The following CFAP418 variants were observed in gnomAD, a reference collection of about 807,000 sequenced individuals.
CFAP418 encodes cilia- and flagella-associated protein 418.
CFAP418 carries 27 observed loss-of-function variants against 24.7 expected under a neutral mutation model. The observed-to-expected ratio is 1.09, with a 90% CI of 0.81 to 1.51. CFAP418 has a LOEUF of 1.51. Ranked by LOEUF, CFAP418 falls within the 40% of genes most tolerant of loss-of-function variation. The probability of loss-of-function intolerance (pLI) is 0.00; values close to 1 mark genes in which losing one functional copy is unlikely to be tolerated. For missense variants in CFAP418, 257 were observed against 255.2 expected, an observed-to-expected ratio of 1.01 and a Z score of -0.05; for synonymous variants, 74 against 87.3, an observed-to-expected ratio of 0.85 and a Z score of 0.85.
intron 5 of CFAP418, 127 bp from the exon 6 acceptor site, chr8:95,247,897 A>G (rs1811649174): frequency 2.0e-6 from 2 of 984,336 alleles, no homozygotes; most frequent in Non-Finnish European, 2.9e-6. Flanking sequence ...ATTGTTACTC[A>G]GGCTGGATTG....
At chr8:95,261,901 C>T (rs1811899393) in intron 2 of CFAP418, among the ~76,000 whole-genome samples, 1 of 152,202 alleles carries the variant, frequency 6.6e-6, no homozygotes, top group African/African-American at 2.4e-5. Flanking sequence ...TAATGAAGAG[C>T]AACAAAATGA....
intron 4 of CFAP418, among the ~76,000 whole-genome samples, chr8:95,258,931 G>A (rs569606323): frequency 2.1e-4 from 32 of 152,182 alleles, no homozygotes; most frequent in Non-Finnish European, 4.1e-4. Flanking sequence ...ATATCATCTA[G>A]GTTTGTGTAA....
rs1811613198 is a variant in CFAP418 at position 95,245,931 on chromosome 8, T to C, written c.*1686A>G. The C allele has an allele frequency of 6.6e-6, 1 of 152,134 alleles. No individual in the cohort carries two copies. The highest frequency in any genetic ancestry group is 1.5e-5 in the Non-Finnish European group (1 of 68,020). 9.4% of individuals were successfully genotyped at this position (152,134 alleles called of 1,614,324 possible). ...CCCCTAGGTTTCTGACTCAATTACATATAGATATAACTTTAGGGATATAAT... is the reference window on the plus strand; with the variant it reads ...CCCCTAGGTTTCTGACTCAATTACACATAGATATAACTTTAGGGATATAAT... On this transcript the variant is annotated 3_prime_UTR_variant, in exon 6 of 6. Transcript: ENST00000286688.
chr8:95,252,088 C>T (rs770993699), intron 5 of CFAP418, 100 bp downstream of exon 5: 5 of 825,458 alleles, frequency 6.1e-6, no homozygotes, highest in Middle Eastern at 2.3e-4. Context: ...AGAGGTGAAG[C>T]CCACAAGATC....
At chr8:95,260,225 C>A (rs1415379781) in intron 3 of CFAP418, among the ~76,000 whole-genome samples, 1 of 152,130 alleles carries the variant, frequency 6.6e-6, no homozygotes, top group Non-Finnish European at 1.5e-5. Flanking sequence ...ACTGTTCACA[C>A]TTTTTTTAAA....
At position 95,259,969 on chromosome 8, in the gene CFAP418, G is replaced by A. The variant is rs1811859829; in HGVS notation, c.309-64C>T. The A allele has an allele frequency of 6.3e-6, 9 of 1,429,620 alleles. No individual in the cohort carries two copies. In the South Asian group the frequency reaches 1.2e-4, roughly 19 times the overall value. 88.6% of individuals were successfully genotyped at this position (1,429,620 alleles called of 1,614,324 possible). On this transcript the variant is annotated intron_variant, in intron 3 of 5. Coordinates refer to ENST00000286688, the MANE Select transcript of CFAP418 (RefSeq NM_177965.4). ...ACAAAAAATAGGAGAAGTTAATTTG[G>A]CCATGTTAAAAAAATTTTTGGTTTT...
At chr8:95,253,348 A>G (rs142987151) in intron 4 of CFAP418, among the ~76,000 whole-genome samples, 8 of 152,292 alleles carry the variant, frequency 5.3e-5, no homozygotes, top group African/African-American at 1.9e-4. Flanking sequence ...AGAAAGTTAT[A>G]TACTACACAG....
rs1178200305 is a variant in CFAP418 at position 95,247,773 on chromosome 8, A to G, written c.471-3T>C. ...TGTGAAATTCTGGCATGTTGTTCCT[A>G]TTAGTAAAACAGGAAAGTTTTAGCA... On this transcript the variant is annotated splice_region_variant and splice_polypyrimidine_tract_variant and intron_variant, in intron 5 of 5. Transcript: ENST00000286688. 4 of 1,599,374 alleles carry G rather than the reference A, an allele frequency of 2.5e-6. No individual in the cohort carries two copies. The highest frequency in any genetic ancestry group is 3.4e-6 in the Non-Finnish European group (4 of 1,172,268).
At chr8:95,268,904 G>C in intron 1 of CFAP418, 131 bp downstream of exon 1, 1 of 986,596 alleles carries the variant, frequency 1.0e-6, no homozygotes, top group Non-Finnish European at 1.5e-6. Context: ...GGGCGCTGAG[G>C]GTCTGAACCC....
chr8:95,259,803 C>A (rs1162643915), intron 4 of CFAP418, 37 bp downstream of exon 4: 1 of 1,507,654 alleles, frequency 6.6e-7, no homozygotes, highest in South Asian at 1.2e-5. Context: ...TTGGAAAAAA[C>A]CTAGTAAGAA....
At chr8:95,267,375 G>C (rs944970515) in intron 1 of CFAP418, among the ~76,000 whole-genome samples, 1 of 152,192 alleles carries the variant, frequency 6.6e-6, no homozygotes, top group Non-Finnish European at 1.5e-5. Flanking sequence ...GCCGAGGTGG[G>C]TGGATCACGA....
chr8:95,262,533 C>T (rs1023431285), intron 2 of CFAP418, among the ~76,000 whole-genome samples: 4 of 152,130 alleles, frequency 2.6e-5, no homozygotes, highest in Non-Finnish European at 4.4e-5. Context: ...GTAAATTAGA[C>T]TTCTATTTTT....
chr8:95,247,849 GCTTT>G, intron 5 of CFAP418, 79 bp from the exon 6 acceptor site: 1 of 1,282,820 alleles, frequency 7.8e-7, no homozygotes, highest in South Asian at 1.5e-5. Context: ...AAAGGTCATT[GCTTT>G]CTTTTCTTTT....
intron 4 of CFAP418, among the ~76,000 whole-genome samples, chr8:95,254,666 C>T (rs948165633): frequency 1.3e-5 from 2 of 152,238 alleles, no homozygotes; most frequent in East Asian, 1.9e-4. Flanking sequence ...TCTGCCCAGA[C>T]ACTGTGGTTC....
chr8:95,247,431 A>G lies in CFAP418; in HGVS notation c.*186T>C, dbSNP rs546389253. 7 of 601,990 alleles carry G rather than the reference A, an allele frequency of 1.2e-5. No individual in the cohort carries two copies. Among genetic ancestry groups the G allele is most frequent in the South Asian group, 2.2e-5 (1 of 45,978 alleles). The allele number at this position is 601,990 out of a possible 1,614,324, so 37.3% of individuals were successfully genotyped here. On this transcript the variant is annotated 3_prime_UTR_variant, in exon 6 of 6. Coordinates refer to ENST00000286688, the MANE Select transcript of CFAP418 (RefSeq NM_177965.4). ...ACATCCATGTATCAGGAATAATTCC[A>G]AAGTGTTATAATACATGATCTTCCT...
intron 1 of CFAP418, among the ~76,000 whole-genome samples, chr8:95,267,968 T>C (rs981471636): frequency 6.6e-6 from 1 of 152,056 alleles, no homozygotes; most frequent in Non-Finnish European, 1.5e-5. Flanking sequence ...ACTGGTAAAT[T>C]TGAAAGGTAG....
chr8:95,264,598 C>T (rs1211373770), intron 1 of CFAP418, among the ~76,000 whole-genome samples: 1 of 152,156 alleles, frequency 6.6e-6, no homozygotes, highest in East Asian at 1.9e-4. Flanking sequence ...ACAAGATTAA[C>T]TTTCTTTAGC....
chr8:95,251,623 T>C (rs933466348), intron 5 of CFAP418, among the ~76,000 whole-genome samples: 9 of 152,148 alleles, frequency 5.9e-5, no homozygotes, highest in Admixed American at 2.0e-4. Flanking sequence ...AGAGAAGAGA[T>C]TGTAGCCAGA....
intron 2 of CFAP418, 112 bp downstream of exon 2, chr8:95,263,575 T>C: frequency 1.7e-6 from 1 of 599,280 alleles, no homozygotes; most frequent in East Asian, 2.7e-5. Flanking sequence ...AGTAATTGTA[T>C]TTCTCAGAAT....
Sources: allele counts gnomAD v4.1 joint callset (sites outside exome capture counted in the v4.1 genomes callset), GRCh38; gene constraint gnomAD v4.1.1; transcripts MANE v1.5; gene names NCBI Gene and HGNC (gene_info 2026-07-23, HGNC 2026-07-21).